Variants in NUDT22 observed in about 807,000 individuals in gnomAD.
NUDT22 encodes the protein nudix hydrolase 22.
Under a neutral mutation model 28.8 loss-of-function variants are expected in NUDT22, and 23 were observed. The ratio of observed to expected loss-of-function variants is 0.80; its 90% CI spans 0.58 to 1.13. The LOEUF (loss-of-function observed/expected upper bound fraction) is 1.13, where lower values mean the gene tolerates loss of function less well. Ranked by LOEUF, NUDT22 falls within the 50% of genes most tolerant of loss-of-function variation. NUDT22 has a pLI of 0.00. For synonymous variants in NUDT22, 175 were observed against 173.7 expected, an observed-to-expected ratio of 1.01 and a Z score of -0.06; for missense variants, 358 against 387.3, an observed-to-expected ratio of 0.92 and a Z score of 0.64.
In NUDT22 at chr11:64,229,878, TG is replaced by T. The variant is rs765562435; in HGVS notation, c.801del (p.Met267IlefsTer28). The T allele has an allele frequency of 6.2e-7, 1 of 1,613,354 alleles. No homozygotes were observed. Among genetic ancestry groups the T allele is most frequent in the South Asian group, 1.1e-5 (1 of 91,082 alleles). On this transcript the variant is annotated frameshift_variant, in exon 6 of 6. Transcript: ENST00000279206. LOFTEE classifies it high-confidence loss of function. The stretch of plus-strand genomic sequence containing the variant: ...GTGCAGAGATTGCTCGAGACGGAGA[TG>T]TGGGCTGAACTCTGCCCCTCGGCCA... ...QNVQRLLETE[M>X]WAELCPSAKG...
intron 4 of NUDT22, 44 bp downstream of exon 4, chr11:64,229,388 G>A (rs1395120648): frequency 1.9e-6 from 3 of 1,607,300 alleles, no homozygotes; most frequent in South Asian, 1.1e-5. Flanking sequence ...GGGAAGGTGG[G>A]TGGTGAGGAG....
downstream of NUDT22, chr11:64,230,052 A>T (rs118176767): frequency 1.1e-5 from 17 of 1,495,794 alleles, no homozygotes; most frequent in South Asian, 4.5e-5. Flanking sequence ...AACAGAGAGG[A>T]GCAATGGGCC....
rs1284234726 is a variant in NUDT22 at position 64,228,393 on chromosome 11, C to T, written c.579+727C>T. On this transcript the variant is annotated intron_variant, in intron 3 of 5. Coordinates refer to ENST00000279206, the MANE Select transcript of NUDT22 (RefSeq NM_032344.4). ...GAAAAAGGAGTAAGTGGCCGGGCGC[C>T]GTGGCTCATGCCTGTAATCCCAGCA... Among the ~76,000 whole-genome samples the T allele has an allele frequency of 3.3e-5, 5 of 151,948 alleles. No individual in the cohort carries two copies. The South Asian group carries it at 8.3e-4, about 25-fold the overall frequency.
rs112856902 is a variant in NUDT22 at position 64,226,347 on chromosome 11, C to T, written c.-99C>T. 5.7e-6 allele frequency: 7 copies of T among 1,224,754 alleles called. No homozygotes were observed. Among genetic ancestry groups the T allele is most frequent in the Admixed American group, 4.0e-5 (1 of 25,040 alleles). 75.9% of individuals were successfully genotyped at this position (1,224,754 alleles called of 1,614,324 possible). A position where few individuals can be genotyped will look rare whatever the true frequency, so the allele number is the denominator to read the frequency against. On this transcript the variant is annotated 5_prime_UTR_variant, in exon 1 of 6. Transcript: ENST00000279206. The stretch of plus-strand genomic sequence containing the variant: ...CTTCCGGGCCCTGGAAAGGGGTCCC[C>T]GCGCGCCCCGGGTCGGAGGCAGACC...
downstream of NUDT22, chr11:64,230,019 C>G (rs758809670): frequency 6.2e-7 from 1 of 1,610,508 alleles, no homozygotes; most frequent in Non-Finnish European, 8.5e-7. Flanking sequence ...TTCTTGGATT[C>G]CGTTGGCATC....
Position 64,227,090 on chromosome 11 carries a change from C to T in NUDT22, c.438C>T (p.Ala146=), listed in dbSNP as rs757519561. 5.9e-5 allele frequency: 94 copies of T among 1,597,570 alleles called. No homozygotes were observed. The highest frequency in any genetic ancestry group is 7.6e-5 in the Non-Finnish European group (89 of 1,176,462). Residue 146 remains alanine (A), a synonymous_variant, in exon 2 of 6, where the codon GCC becomes GCT. Transcript: ENST00000279206. The part of the protein sequence containing the change: ...FLRRSRQVAE[A]PGLVDVPGGH... Reference sequence around the variant, plus strand: ...GCCGCTCCCGGCAGGTGGCTGAGGCCCCTGGGCTGGTGGACGTACCTGGTG... The same window carrying T: ...GCCGCTCCCGGCAGGTGGCTGAGGCTCCTGGGCTGGTGGACGTACCTGGTG...
chr11:64,227,096 G>T lies in NUDT22; in HGVS notation c.444G>T (p.Gly148=). ...RRSRQVAEAP[G]LVDVPGGHPE... ...CCCGGCAGGTGGCTGAGGCCCCTGG[G>T]CTGGTGGACGTACCTGGTGGGCACC... The change falls in exon 2 of 6, where the codon GGG becomes GGT. Residue 148 remains glycine (G), a synonymous_variant. Coordinates refer to ENST00000279206, the MANE Select transcript of NUDT22 (RefSeq NM_032344.4). 6.3e-7 allele frequency: 1 copy of T among 1,596,176 alleles called. No homozygotes were observed. Among genetic ancestry groups the T allele is most frequent in the Non-Finnish European group, 8.5e-7 (1 of 1,175,726 alleles).
intron 5 of NUDT22, 51 bp from the exon 6 acceptor site, chr11:64,229,799 G>A (rs1947141120): frequency 6.2e-7 from 1 of 1,610,288 alleles, no homozygotes; most frequent in Non-Finnish European, 8.5e-7. Context: ...GCACAGCCCT[G>A]GCAGGAGAAG....
At chr11:64,227,425 G>A (rs1470360095) in intron 2 of NUDT22, 143 bp from the exon 3 acceptor site, 2 of 762,476 alleles carry the variant, frequency 2.6e-6, no homozygotes, top group Non-Finnish European at 4.6e-6. Context: ...GTCTGTCAGG[G>A]AAAGGACACC....
chr11:64,229,090 C>T, intron 3 of NUDT22, 157 bp from the exon 4 acceptor site: 1 of 579,312 alleles, frequency 1.7e-6, no homozygotes. Flanking sequence ...GTAAAACAAA[C>T]ATGCCCATCA....
rs1947118421 is a variant in NUDT22, at chr11:64,228,820, A to G, written c.580-427A>G. 2.6e-5 allele frequency: 4 copies of G among 156,234 alleles called. No individual in the cohort carries two copies. In the South Asian group the frequency reaches 6.7e-4, roughly 26 times the overall value. 9.7% of individuals were successfully genotyped at this position (156,234 alleles called of 1,614,324 possible). On this transcript the variant is annotated intron_variant, in intron 3 of 5. Coordinates refer to ENST00000279206, the MANE Select transcript of NUDT22 (RefSeq NM_032344.4). Reference sequence around the variant, plus strand: ...ACCCCATCTCTACTAAAAATACAAAAAATTAGCCAGGCGTTGTGGCGTGCA... The same window carrying G: ...ACCCCATCTCTACTAAAAATACAAAGAATTAGCCAGGCGTTGTGGCGTGCA...
intron 3 of NUDT22, among the ~76,000 whole-genome samples, chr11:64,228,182 CTTT>C (rs1207902951): frequency 2.9e-5 from 2 of 68,852 alleles, no homozygotes; most frequent in African/African-American, 7.8e-5. Context: ...GATTCTTCTT[CTTT>C]TTTTTTTTTT....
intron 2 of NUDT22, 21 bp downstream of exon 2, chr11:64,227,153 C>T: frequency 6.4e-7 from 1 of 1,572,208 alleles, no homozygotes; most frequent in Non-Finnish European, 8.6e-7. Context: ...AGGCTGGGCA[C>T]AAAGACCCAG....
At chr11:64,230,128 C>G (rs778592186), downstream of NUDT22, 1 of 999,726 alleles carries the variant, frequency 1.0e-6, no homozygotes, top group South Asian at 1.4e-5. Context: ...CAGCCTGTGT[C>G]CCCCTCTGCA....
downstream of NUDT22, chr11:64,230,094 G>GAAAA (rs10708923): frequency 5.5e-6 from 4 of 720,992 alleles, no homozygotes; most frequent in African/African-American, 2.0e-5. Flanking sequence ...AGTGACTTGG[G>GAAAA]AAAAAAAAAA....
chr11:64,226,937 G>A lies in NUDT22; in HGVS notation c.285G>A (p.Trp95Ter). The change falls in exon 2 of 6, where the codon TGG becomes TGA. Residue 95 changes from tryptophan (W) to a stop codon, truncating the protein, a stop_gained. Transcript: ENST00000279206. LOFTEE classifies it high-confidence loss of function. ...TSYRDFLGTN[W>*]SSSAAWLRQQ... ...ACCGAGACTTCCTGGGCACCAACTG[G>A]TCCAGCTCAGCTGCCTGGCTGCGAC... The A allele has an allele frequency of 1.9e-6, 3 of 1,602,272 alleles. No homozygotes were observed. The highest frequency in any genetic ancestry group is 2.5e-6 in the Non-Finnish European group (3 of 1,179,922).
rs775055983 is a variant in NUDT22, at chr11:64,229,916, A to G, written c.838A>G (p.Ile280Val). 5 of 1,613,182 alleles carry G rather than the reference A, an allele frequency of 3.1e-6. No individual in the cohort carries two copies. The highest frequency in any genetic ancestry group is 4.2e-6 in the Non-Finnish European group (5 of 1,180,004). Reference protein sequence around the residue: ...ELCPSAKGAIILYNRVQGSPT... With the variant: ...ELCPSAKGAIVLYNRVQGSPT... ...CTGCCCCTCGGCCAAAGGCGCCATC[A>G]TCCTCTACAACCGGGTTCAGGGAAG... The change falls in exon 6 of 6, where the codon ATC becomes GTC. Residue 280 changes from isoleucine (I) to valine (V), a missense_variant. Physicochemically the swap from Ile to Val is conservative, Grantham distance 29 (BLOSUM62 3). Transcript: ENST00000279206.
chr11:64,230,018 T>C (rs752862105), downstream of NUDT22: 22 of 1,610,410 alleles, frequency 1.4e-5, no homozygotes, highest in African/African-American at 2.8e-4. Context: ...ATTCTTGGAT[T>C]CCGTTGGCAT....
chr11:64,226,536 G>A (rs879571597), intron 1 of NUDT22, 99 bp from the exon 2 acceptor site: 3 of 1,491,578 alleles, frequency 2.0e-6, no homozygotes, highest in Non-Finnish European at 2.7e-6. Context: ...GAAGCGCTGC[G>A]GATACCCTCA....
Sources: allele counts gnomAD v4.1 joint callset (sites outside exome capture counted in the v4.1 genomes callset), GRCh38; gene constraint gnomAD v4.1.1; transcripts MANE v1.5; gene names NCBI Gene and HGNC (gene_info 2026-07-23, HGNC 2026-07-21).